FAM47E: variants seen among roughly 807,000 people sequenced by gnomAD.
FAM47E encodes family with sequence similarity 47 member E.
FAM47E carries 32 observed loss-of-function variants against 41.6 expected under a neutral mutation model. The observed-to-expected ratio is 0.77, with a 90% CI of 0.58 to 1.03. The LOEUF (loss-of-function observed/expected upper bound fraction) is 1.03. Ranked by LOEUF, FAM47E falls within the 50% of genes least tolerant of loss-of-function variation. The pLI is 0.00. For synonymous variants in FAM47E, 184 were observed against 188.7 expected (o/e 0.98, Z 0.20); for missense variants, 424 against 485.4 (o/e 0.87, Z 1.19).
intron 2 of FAM47E, chr4:76,234,550 C>G (rs73828719): frequency 0.18 from 27,456 of 152,118 alleles, 2,735 homozygotes; most frequent in African/African-American, 0.27. Context: ...GGAAGTGAGG[C>G]GGCCAGGCTC....
At chr4:76,267,151 A>G (rs1239974746) in intron 3 of FAM47E, among the ~76,000 whole-genome samples, 2 of 152,214 alleles carry the variant, frequency 1.3e-5, no homozygotes, top group African/African-American at 4.8e-5. Context: ...TTACAGTTCA[A>G]TTCTAATGCC....
At chr4:76,218,416 C>T (rs1174175437) in intron 2 of FAM47E, among the ~76,000 whole-genome samples, 1 of 152,210 alleles carries the variant, frequency 6.6e-6, no homozygotes, top group Non-Finnish European at 1.5e-5. Context: ...CAGAGGAGAG[C>T]TCATATACCA....
intron 2 of FAM47E, among the ~76,000 whole-genome samples, chr4:76,230,164 G>A (rs891844161): frequency 6.6e-6 from 1 of 152,150 alleles, no homozygotes; most frequent in Admixed American, 6.5e-5. Flanking sequence ...TGCAGGGTTA[G>A]ACAAGTCTGA....
intron 2 of FAM47E, among the ~76,000 whole-genome samples, chr4:76,258,835 A>G (rs1734290731): frequency 6.6e-6 from 1 of 152,156 alleles, no homozygotes; most frequent in Admixed American, 6.5e-5. Context: ...TGGTAGGTGG[A>G]CCTATTACCT....
At chr4:76,275,287 G>A (rs1735049447) in intron 5 of FAM47E, among the ~76,000 whole-genome samples, 1 of 152,092 alleles carries the variant, frequency 6.6e-6, no homozygotes, top group African/African-American at 2.4e-5. Flanking sequence ...CATGTCCATA[G>A]GTTCTATCTT....
At chr4:76,225,184 C>T (rs556362230) in intron 2 of FAM47E, among the ~76,000 whole-genome samples, 2 of 152,238 alleles carry the variant, frequency 1.3e-5, no homozygotes, top group South Asian at 2.1e-4. Context: ...TTTATCCACT[C>T]GCACTCGTTG....
chr4:76,276,002 A>G (rs1308788623), intron 5 of FAM47E, among the ~76,000 whole-genome samples: 2 of 150,500 alleles, frequency 1.3e-5, no homozygotes, highest in South Asian at 2.1e-4. Flanking sequence ...TAAACATTCT[A>G]TGATGCATGG....
At chr4:76,245,273 G>T (rs1465580969) in intron 2 of FAM47E, among the ~76,000 whole-genome samples, 1 of 152,146 alleles carries the variant, frequency 6.6e-6, no homozygotes, top group Non-Finnish European at 1.5e-5. Context: ...TTAATGCAGG[G>T]AATAGTTACA....
At chr4:76,272,493 A>C (rs1042764997) in intron 5 of FAM47E, among the ~76,000 whole-genome samples, 3 of 152,196 alleles carry the variant, frequency 2.0e-5, no homozygotes, top group Non-Finnish European at 2.9e-5. Flanking sequence ...TTATACTTCA[A>C]TATTTGGGAC....
intron 2 of FAM47E, among the ~76,000 whole-genome samples, chr4:76,225,309 A>G (rs1157084826): frequency 6.6e-6 from 1 of 152,110 alleles, no homozygotes; most frequent in African/African-American, 2.4e-5. Flanking sequence ...AGTCTTCAGC[A>G]TTTTCTAGGT....
In FAM47E at chr4:76,215,690, G is replaced by A. The variant is rs573006497; in HGVS notation, c.-30+1266G>A. 2.2e-4 allele frequency among the ~76,000 whole-genome samples: 33 copies of A among 152,152 alleles called. No individual in the cohort carries two copies. In the South Asian group the frequency reaches 6.7e-3, roughly 31 times the overall value. On this transcript the variant is annotated intron_variant, in intron 1 of 7. Transcript: ENST00000510197. ...GGGCCTTTGCAAATTCTTGCTCTTG[G>A]AGCCTCAAGTCACCCCTAAGTTCAG...
intron 2 of FAM47E, among the ~76,000 whole-genome samples, chr4:76,228,250 G>A (rs1733433247): frequency 6.6e-6 from 1 of 151,890 alleles, no homozygotes; most frequent in Non-Finnish European, 1.5e-5. Context: ...GGCTGAGGGG[G>A]GTGCAGATCA....
upstream of FAM47E, among the ~76,000 whole-genome samples, chr4:76,248,235 G>A (rs112019697): frequency 1.4e-4 from 21 of 151,942 alleles, no homozygotes; most frequent in Admixed American, 2.0e-4. Context: ...TCTTGATCAT[G>A]TTTTTCGATA....
At chr4:76,237,772 AAG>A (rs1733619274) in intron 2 of FAM47E, among the ~76,000 whole-genome samples, 1 of 152,154 alleles carries the variant, frequency 6.6e-6, no homozygotes, top group Non-Finnish European at 1.5e-5. Context: ...GAGCAGGAGC[AAG>A]AGAGAGGAAG....
chr4:76,221,836 C>T (rs996628492), intron 2 of FAM47E, among the ~76,000 whole-genome samples: 6 of 152,154 alleles, frequency 3.9e-5, no homozygotes, highest in Non-Finnish European at 5.9e-5. Context: ...CAGGATCCTT[C>T]GCACACCAAA....
intron 2 of FAM47E, among the ~76,000 whole-genome samples, chr4:76,223,433 A>G (rs1178634228): frequency 1.3e-5 from 2 of 152,210 alleles, no homozygotes; most frequent in Admixed American, 1.3e-4. Flanking sequence ...TTGGCTGGGT[A>G]CTGTGAGAAG....
rs538373537 is a variant in FAM47E at position 76,263,898 on chromosome 4, G to T, written c.560+55G>T. ...TGCTGTCACCTGATGAAACATTCTA[G>T]GAATTACCTTCTTAAAACTTCTCAT... On this transcript the variant is annotated intron_variant, in intron 3 of 7. Transcript: ENST00000424749. The T allele has an allele frequency of 3.9e-6, 6 of 1,525,656 alleles. No individual in the cohort carries two copies. The African/African-American group carries it at 7.0e-5, about 18-fold the overall frequency. The allele number at this position is 1,525,656 out of a possible 1,614,324, so 94.5% of individuals were successfully genotyped here. A position where few individuals can be genotyped will look rare whatever the true frequency, so the allele number is the denominator to read the frequency against.
At chr4:76,226,936 T>C (rs1398587903) in intron 2 of FAM47E, among the ~76,000 whole-genome samples, 1 of 152,222 alleles carries the variant, frequency 6.6e-6, no homozygotes, top group Non-Finnish European at 1.5e-5. Flanking sequence ...TTAATCTCAC[T>C]AATGGTCTAT....
intron 2 of FAM47E, among the ~76,000 whole-genome samples, chr4:76,243,766 A>T (rs1006345935): frequency 6.6e-6 from 1 of 152,104 alleles, no homozygotes; most frequent in East Asian, 1.9e-4. Flanking sequence ...AGGTTTGTTT[A>T]AGTTCTGGGG....
Sources: gnomAD v4.1 joint callset for allele counts (sites outside exome capture counted in the v4.1 genomes callset) on GRCh38, gnomAD v4.1.1 for gene constraint, MANE v1.5 for transcripts, NCBI Gene and HGNC (gene_info 2026-07-23, HGNC 2026-07-21) for gene names.